LUC7L3: variants seen among roughly 807,000 people sequenced by gnomAD.
LUC7L3 encodes the protein luc7-like protein 3.
A neutral mutation model predicts 66.8 loss-of-function variants in LUC7L3; 6 were observed. The ratio of observed to expected loss-of-function variants is 0.09; its 90% CI spans 0.05 to 0.18. The LOEUF (loss-of-function observed/expected upper bound fraction) is 0.18, where lower values mean the gene tolerates loss of function less well. Ranked by LOEUF, LUC7L3 falls within the 10% of genes least tolerant of loss-of-function variation. The pLI, the probability that LUC7L3 is intolerant of heterozygous loss-of-function variation, is 1.00. For missense variants in LUC7L3, 341 were observed against 531.1 expected (o/e 0.64, Z 3.52); for synonymous variants, 160 against 174.7 (o/e 0.92, Z 0.66).
chr17:50,741,311 A>C lies in LUC7L3; in HGVS notation c.351+65A>C. Reference sequence around the variant, plus strand: ...TTTCTGGAGATTCAGAGACCTCCCTAATATTTTTGAAACTTGTCTTCTGTT... The same window carrying C: ...TTTCTGGAGATTCAGAGACCTCCCTCATATTTTTGAAACTTGTCTTCTGTT... On this transcript the variant is annotated intron_variant, in intron 4 of 9. Transcript: ENST00000505658. 2.0e-6 allele frequency: 3 copies of C among 1,475,502 alleles called. No individual in the cohort carries two copies. The South Asian group carries it at 3.7e-5, about 18-fold the overall frequency. The allele number at this position is 1,475,502 out of a possible 1,614,324, so 91.4% of individuals were successfully genotyped here.
intron 1 of LUC7L3, among the ~76,000 whole-genome samples, chr17:50,732,468 ACCT>A (rs1969671029): frequency 6.6e-6 from 1 of 151,856 alleles, no homozygotes; most frequent in South Asian, 2.1e-4. Context: ...TGCAGCCTCA[ACCT>A]CCTGGGCTCC....
intron 5 of LUC7L3, 91 bp downstream of exon 5, chr17:50,741,822 T>C: frequency 4.0e-6 from 4 of 992,262 alleles, no homozygotes; most frequent in East Asian, 5.1e-5. Context: ...TGGTAACTCA[T>C]GTGTATAATC....
intron 1 of LUC7L3, chr17:50,724,023 G>T: frequency 2.2e-6 from 1 of 447,652 alleles, no homozygotes; most frequent in Non-Finnish European, 4.5e-6. Context: ...GTATGTAATT[G>T]CTATTTGCTT....
intron 1 of LUC7L3, among the ~76,000 whole-genome samples, chr17:50,729,458 T>C (rs2146706889): frequency 6.6e-6 from 1 of 152,338 alleles, no homozygotes; most frequent in South Asian, 2.1e-4. Flanking sequence ...TTCATTCCTT[T>C]CCAGCCTCCT....
In LUC7L3 at chr17:50,746,664, G is replaced by T; in HGVS notation, c.1100G>T (p.Ser367Ile). Residue 367 changes from serine to isoleucine, a missense_variant, in exon 9 of 10, where the codon AGT (serine) becomes ATT (isoleucine). This residue lies in a region of LUC7L3 where 210 missense variants were observed against 238.1 expected (regional missense o/e 0.88). Transcript: ENST00000505658. Reference protein sequence around the residue: ...DRKSYKHRSKSRDREQDRKSK... With the variant: ...DRKSYKHRSKIRDREQDRKSK... ...AAGTCATATAAGCACAGGAGCAAAA[G>T]TCGGGACAGAGAACAAGATAGAAAA... The T allele has an allele frequency of 2.5e-6, 4 of 1,614,064 alleles. No homozygotes were observed. Among genetic ancestry groups the T allele is most frequent in the Non-Finnish European group, 3.4e-6 (4 of 1,179,948 alleles).
chr17:50,742,192 A>C lies in LUC7L3; in HGVS notation c.426+461A>C, dbSNP rs575940147. Among the ~76,000 whole-genome samples, 4 of 152,222 alleles carry C rather than the reference A, an allele frequency of 2.6e-5. No individual in the cohort carries two copies. In the South Asian group the frequency reaches 8.3e-4, roughly 32 times the overall value. ...ATACAGATTAAAACTGCAATCAAAT[A>C]CCTATTTGACACCTATGAGAATAGC... On this transcript the variant is annotated intron_variant, in intron 5 of 9. Coordinates refer to ENST00000505658, the MANE Select transcript of LUC7L3 (RefSeq NM_016424.5).
chr17:50,743,623 A>G (rs1212987197), intron 5 of LUC7L3, 83 bp from the exon 6 acceptor site: 1 of 816,132 alleles, frequency 1.2e-6, no homozygotes, highest in East Asian at 2.6e-5. Context: ...GATGGAAAAC[A>G]ACCACTAATG....
chr17:50,719,774 G>C lies in LUC7L3; in HGVS notation c.42G>C (p.Arg14=). ...AAQLLDELMG[R]DRNLAPDEKR... is the part of the protein sequence containing the mutation. Reference sequence around the variant, plus strand: ...AGTTGTTGGATGAGTTAATGGGCCGGGACCGAAACCTAGCCCCGGACGAGA... The same window carrying C: ...AGTTGTTGGATGAGTTAATGGGCCGCGACCGAAACCTAGCCCCGGACGAGA... The change falls in exon 1 of 10, where the codon CGG becomes CGC. Residue 14 remains arginine (R), a synonymous_variant. Coordinates refer to ENST00000505658, the MANE Select transcript of LUC7L3 (RefSeq NM_016424.5). 1 of 1,612,236 alleles carries C rather than the reference G, an allele frequency of 6.2e-7. No homozygotes were observed.
intron 1 of LUC7L3, among the ~76,000 whole-genome samples, chr17:50,725,279 G>T (rs1467393458): frequency 6.6e-6 from 1 of 151,944 alleles, no homozygotes; most frequent in African/African-American, 2.4e-5. Flanking sequence ...GTGTGGTGGC[G>T]CACGCCTGTA....
chr17:50,728,652 C>T (rs902966201), intron 1 of LUC7L3, among the ~76,000 whole-genome samples: 5 of 152,202 alleles, frequency 3.3e-5, no homozygotes, highest in African/African-American at 4.8e-5. Context: ...TTCCCAGGTT[C>T]AAGCGATGCT....
At chr17:50,728,663 C>T (rs1201158816) in intron 1 of LUC7L3, among the ~76,000 whole-genome samples, 3 of 152,168 alleles carry the variant, frequency 2.0e-5, no homozygotes, top group Non-Finnish European at 2.9e-5. Context: ...AAGCGATGCT[C>T]GTGCCTCAGT....
At chr17:50,741,856 G>T (rs1044806317) in intron 5 of LUC7L3, 125 bp downstream of exon 5, 3 of 653,794 alleles carry the variant, frequency 4.6e-6, no homozygotes, top group South Asian at 2.2e-5. Flanking sequence ...AGGCCGAGGC[G>T]GGAGGATTGC....
chr17:50,725,588 C>T (rs999156535), intron 1 of LUC7L3, among the ~76,000 whole-genome samples: 2 of 151,980 alleles, frequency 1.3e-5, no homozygotes, highest in Non-Finnish European at 2.9e-5. Flanking sequence ...TAAATCCTAC[C>T]ATTGGGAAAA....
At chr17:50,730,658 G>T (rs769389343) in intron 1 of LUC7L3, among the ~76,000 whole-genome samples, 1 of 151,974 alleles carries the variant, frequency 6.6e-6, no homozygotes, top group African/African-American at 2.4e-5. Flanking sequence ...TGTCCTTAAT[G>T]GGCCTGGTGC....
chr17:50,748,115 G>A (rs1246464935), intron 9 of LUC7L3, among the ~76,000 whole-genome samples: 2 of 152,102 alleles, frequency 1.3e-5, no homozygotes, highest in Non-Finnish European at 2.9e-5. Context: ...GTTATCATTT[G>A]TGCCACTTAA....
At chr17:50,730,183 G>C (rs1969494215) in intron 1 of LUC7L3, among the ~76,000 whole-genome samples, 1 of 151,630 alleles carries the variant, frequency 6.6e-6, no homozygotes, top group Non-Finnish European at 1.5e-5. Context: ...CGTTGCCCGG[G>C]CTGGTCTCGA....
intron 7 of LUC7L3, among the ~76,000 whole-genome samples, chr17:50,745,147 G>GC (rs1473456829): frequency 6.6e-6 from 1 of 151,992 alleles, no homozygotes; most frequent in Non-Finnish European, 1.5e-5. Context: ...ACACTACCAC[G>GC]CCCGGCTGAT....
intron 8 of LUC7L3, among the ~76,000 whole-genome samples, 173 bp from the exon 9 acceptor site, chr17:50,746,369 A>G (rs1022567265): frequency 2.6e-5 from 4 of 152,342 alleles, no homozygotes; most frequent in African/African-American, 4.8e-5. Context: ...TCTTAGCACT[A>G]TTGGAGATGA....
chr17:50,722,202 T>TTTC (rs1401876076), intron 1 of LUC7L3: 2 of 131,830 alleles, frequency 1.5e-5, no homozygotes, highest in Non-Finnish European at 3.2e-5. Context: ...TTTTTTTTTT[T>TTTC]TTTTTTTTTT....
Sources: gnomAD v4.1 joint callset for allele counts (sites outside exome capture counted in the v4.1 genomes callset) on GRCh38, gnomAD v4.1.1 for gene constraint, gnomAD v4.1.1 regional missense constraint, MANE v1.5 for transcripts, NCBI Gene and HGNC (gene_info 2026-07-23, HGNC 2026-07-21) for gene names.